SORT1: variants seen among roughly 807,000 people sequenced by gnomAD.
SORT1 encodes the protein sortilin.
SORT1 carries 39 observed loss-of-function variants against 101.7 expected under a neutral mutation model. That is an observed-to-expected ratio of 0.38 (90% CI 0.30 to 0.50). The LOEUF is 0.50. Ranked by LOEUF, SORT1 falls within the 20% of genes least tolerant of loss-of-function variation. The probability of loss-of-function intolerance (pLI) is 0.90; values close to 1 mark genes in which losing one functional copy is unlikely to be tolerated. For missense variants in SORT1, 878 were observed against 1,040.4 expected (o/e 0.84, Z 2.15); for synonymous variants, 396 against 393.7 (o/e 1.01, Z -0.07).
intron 1 of SORT1, among the ~76,000 whole-genome samples, chr1:109,389,369 A>G (rs1256802018): frequency 2.0e-5 from 3 of 152,186 alleles, no homozygotes; most frequent in Non-Finnish European, 4.4e-5. Flanking sequence ...TCACAACTAT[A>G]TTACTTATAA....
rs72647812 is a variant in SORT1, at chr1:109,311,137, G to A, written c.*2906C>T. ...TGAATTAAAAGCCTACAGGAGAGAC[G>A]GGCCTGGTCTGTGGTCTCACTAAAG... On this transcript the variant is annotated 3_prime_UTR_variant, in exon 20 of 20. Transcript: ENST00000256637. The A allele has an allele frequency of 1.3e-5, 2 of 152,346 alleles. No individual in the cohort carries two copies. Among genetic ancestry groups the A allele is most frequent in the Admixed American group, 1.3e-4 (2 of 15,302 alleles). The allele number at this position is 152,346 out of a possible 1,614,324, so 9.4% of individuals were successfully genotyped here.
chr1:109,369,016 A>G (rs1171407892), intron 2 of SORT1, among the ~76,000 whole-genome samples: 1 of 152,200 alleles, frequency 6.6e-6, no homozygotes, highest in East Asian at 1.9e-4. Flanking sequence ...ACCGTGGAAG[A>G]AGGTGGTCAG....
At chr1:109,397,562 G>C in intron 1 of SORT1, 25 bp downstream of exon 1, 1 of 1,163,246 alleles carries the variant, frequency 8.6e-7, no homozygotes, top group Non-Finnish European at 1.1e-6. Context: ...CACCCGAGCG[G>C]CTCCCGGGCC....
Position 109,396,876 on chromosome 1 carries a change from G to A in SORT1, c.306+711C>T, listed in dbSNP as rs145657858. On this transcript the variant is annotated intron_variant, in intron 1 of 19. Coordinates refer to ENST00000256637, the MANE Select transcript of SORT1 (RefSeq NM_002959.7). ...AATAATTAGTTTTGTCAGTCCAGTA[G>A]TGTGCAAAGGTTGAGCTGCTTGTCC... 4.2e-3 allele frequency among the ~76,000 whole-genome samples: 633 copies of A among 152,358 alleles called. 3 individuals are homozygous for A. The highest frequency in any genetic ancestry group is 0.036 in the South Asian group (172 of 4,832).
intron 6 of SORT1, 127 bp downstream of exon 6, chr1:109,350,802 T>C: frequency 1.4e-6 from 1 of 707,136 alleles, no homozygotes. Context: ...CCCTCTCCAA[T>C]ATCTCTTATG....
At chr1:109,328,772 C>T (rs529263709) in intron 11 of SORT1, among the ~76,000 whole-genome samples, 1 of 152,322 alleles carries the variant, frequency 6.6e-6, no homozygotes, top group South Asian at 2.1e-4. Context: ...ACTTCAGACA[C>T]CGTACAAGAT....
chr1:109,386,684 C>G (rs1401611014), intron 1 of SORT1, among the ~76,000 whole-genome samples: 1 of 152,188 alleles, frequency 6.6e-6, no homozygotes, highest in East Asian at 1.9e-4. Context: ...AAGACCTCAT[C>G]TCTATTTTTA....
intron 3 of SORT1, among the ~76,000 whole-genome samples, chr1:109,361,405 C>G (rs1650713974): frequency 2.0e-5 from 3 of 152,118 alleles, no homozygotes; most frequent in Admixed American, 2.0e-4. Flanking sequence ...CTTTGTGGTC[C>G]ACATTTTTAC....
Position 109,397,750 on chromosome 1 carries a change from G to GGCAGCGGC in SORT1, c.135_142dup (p.Pro48ArgfsTer12). The GGCAGCGGC allele has an allele frequency of 8.3e-7, 1 of 1,198,900 alleles. No homozygotes were observed. Among genetic ancestry groups the GGCAGCGGC allele is most frequent in the Non-Finnish European group, 1.0e-6 (1 of 966,548 alleles). The allele number at this position is 1,198,900 out of a possible 1,614,324, so 74.3% of individuals were successfully genotyped here. A position where few individuals can be genotyped will look rare whatever the true frequency, so the allele number is the denominator to read the frequency against. On this transcript the variant is annotated frameshift_variant, in exon 1 of 20. Transcript: ENST00000256637. LOFTEE classifies it high-confidence loss of function. ...CACCCCGATGGGGCCAGACCAGCGC[G>GGCAGCGGC]GCAGCGGCGCAGCGGGCGGCGGCGG...
chr1:109,314,370 C>A lies in SORT1; in HGVS notation c.2372G>T (p.Arg791Leu). The change falls in exon 19 of 20, where the codon CGA becomes CTA. Residue 791 changes from arginine (R) to leucine (L), a missense_variant. By Grantham distance (102) the Arg-to-Leu change is moderately radical (BLOSUM62 -2). Transcript: ENST00000256637. The part of the protein sequence containing the change: ...YVCGGRFLVH[R>L]YSVLQQHAEA... Reference sequence around the variant, plus strand: ...TGCATGCTGCTGCAGCACAGAGTATCGATGCACCAGGAACCTGTGAACAGA... The same window carrying A: ...TGCATGCTGCTGCAGCACAGAGTATAGATGCACCAGGAACCTGTGAACAGA... The A allele has an allele frequency of 6.2e-7, 1 of 1,613,916 alleles. No individual in the cohort carries two copies. Among genetic ancestry groups the A allele is most frequent in the Non-Finnish European group, 8.5e-7 (1 of 1,179,988 alleles).
chr1:109,320,359 G>A (rs144565595), intron 15 of SORT1, among the ~76,000 whole-genome samples: 7 of 152,164 alleles, frequency 4.6e-5, no homozygotes, highest in African/African-American at 1.2e-4. Context: ...TATCATTTCC[G>A]TATTCGTCCA....
At chr1:109,383,256 T>C (rs1044228356) in intron 1 of SORT1, among the ~76,000 whole-genome samples, 2 of 152,196 alleles carry the variant, frequency 1.3e-5, no homozygotes, top group African/African-American at 4.8e-5. Flanking sequence ...GCAGCCTTTT[T>C]GACAAGCAAA....
intron 13 of SORT1, 130 bp from the exon 14 acceptor site, chr1:109,325,219 C>T (rs1156285485): frequency 1.4e-5 from 5 of 357,860 alleles, no homozygotes; most frequent in Non-Finnish European, 2.5e-5. Context: ...TATTGGCTGA[C>T]AATTATTTTA....
intron 3 of SORT1, 73 bp downstream of exon 3, chr1:109,367,335 T>C (rs1651160480): frequency 4.7e-6 from 4 of 855,634 alleles, no homozygotes; most frequent in South Asian, 1.6e-5. Context: ...CGTGCCATCA[T>C]GTCTAGAAAA....
chr1:109,326,933 G>C, intron 13 of SORT1, 59 bp downstream of exon 13: 1 of 1,312,794 alleles, frequency 7.6e-7, no homozygotes, highest in East Asian at 2.6e-5. Context: ...ATAAACTGAA[G>C]AACATTCCCC....
chr1:109,314,416 G>C (rs754693866), intron 18 of SORT1, 32 bp from the exon 19 acceptor site: 2 of 1,610,940 alleles, frequency 1.2e-6, no homozygotes, highest in Non-Finnish European at 1.7e-6. Context: ...ACACTCGGTG[G>C]TACACAGCAG....
chr1:109,373,324 C>A (rs1651613367), intron 1 of SORT1, among the ~76,000 whole-genome samples: 1 of 152,016 alleles, frequency 6.6e-6, no homozygotes, highest in Non-Finnish European at 1.5e-5. Context: ...GTTCACAGGG[C>A]AGAAGATTAG....
chr1:109,362,158 A>G (rs781239104), intron 3 of SORT1, among the ~76,000 whole-genome samples: 19 of 152,342 alleles, frequency 1.2e-4, no homozygotes, highest in Middle Eastern at 3.4e-3. Flanking sequence ...TTAATGAATC[A>G]ATAATACACA....
intron 7 of SORT1, among the ~76,000 whole-genome samples, chr1:109,347,093 A>G (rs904414573): frequency 6.6e-6 from 1 of 152,238 alleles, no homozygotes; most frequent in African/African-American, 2.4e-5. Flanking sequence ...CTGTTGAATG[A>G]GTAAATGAAA....
Sources: allele counts gnomAD v4.1 joint callset (sites outside exome capture counted in the v4.1 genomes callset), GRCh38; gene constraint gnomAD v4.1.1; transcripts MANE v1.5; gene names NCBI Gene and HGNC (gene_info 2026-07-23, HGNC 2026-07-21).